Variants in SLC24A2 observed in about 807,000 individuals in gnomAD.
SLC24A2 encodes sodium/potassium/calcium exchanger 2.
A neutral mutation model predicts 62.0 loss-of-function variants in SLC24A2; 36 were observed. That is an observed-to-expected ratio of 0.58 (90% confidence interval 0.44 to 0.77). The LOEUF is 0.77. SLC24A2 is among the 30% of genes least tolerant of loss of function. SLC24A2 has a pLI of 0.00. For missense variants in SLC24A2, 846 were observed against 817.9 expected (o/e 1.03, Z -0.42); for synonymous variants, 358 against 294.0 (o/e 1.22, Z -2.23).
intron 2 of SLC24A2, among the ~76,000 whole-genome samples, chr9:19,779,258 C>T (rs1156553361): frequency 6.6e-6 from 1 of 152,112 alleles, no homozygotes; most frequent in Non-Finnish European, 1.5e-5. Context: ...ATCAGGAAGC[C>T]TAATGAGTCA....
chr9:19,936,625 C>G, the SLC24A2 span, among the ~76,000 whole-genome samples: 2 of 152,052 alleles, frequency 1.3e-5, no homozygotes, highest in South Asian at 4.1e-4. Flanking sequence ...GGAGTGGGAG[C>G]CTCTGATTAA....
the SLC24A2 span, among the ~76,000 whole-genome samples, chr9:20,080,648 G>T: frequency 1.3e-5 from 2 of 152,162 alleles, no homozygotes; most frequent in African/African-American, 4.8e-5. Flanking sequence ...AAACAAAAGA[G>T]CTTCTGCACA....
the SLC24A2 span, among the ~76,000 whole-genome samples, chr9:20,186,850 T>C: frequency 6.6e-6 from 1 of 152,308 alleles, no homozygotes; most frequent in Non-Finnish European, 1.5e-5. Flanking sequence ...CCCTCCAGAT[T>C]ATAATTTTCC....
the SLC24A2 span, among the ~76,000 whole-genome samples, chr9:19,836,755 G>A: frequency 6.6e-6 from 1 of 152,094 alleles, no homozygotes; most frequent in Non-Finnish European, 1.5e-5. Flanking sequence ...TGATACCAAA[G>A]CCTGGCAGAG....
the SLC24A2 span, among the ~76,000 whole-genome samples, chr9:19,996,745 CAAA>C: frequency 1.3e-4 from 9 of 66,672 alleles, no homozygotes; most frequent in African/African-American, 3.6e-4. Context: ...GACTCCGTCT[CAAA>C]AAAAAAAAAA....
At chr9:20,111,170 G>A in the SLC24A2 span, among the ~76,000 whole-genome samples, 3 of 152,156 alleles carry the variant, frequency 2.0e-5, no homozygotes, top group African/African-American at 7.2e-5. Context: ...TTGCCCTACT[G>A]CATTTGGTTC....
the SLC24A2 span, among the ~76,000 whole-genome samples, chr9:19,944,834 G>A: frequency 6.6e-6 from 1 of 152,136 alleles, no homozygotes; most frequent in African/African-American, 2.4e-5. Context: ...GTGTGAGACT[G>A]TATTTATTTG....
chr9:19,555,028 T>C (rs1454556211), intron 7 of SLC24A2, among the ~76,000 whole-genome samples: 1 of 152,180 alleles, frequency 6.6e-6, no homozygotes, highest in Non-Finnish European at 1.5e-5. Context: ...GGGGGCCACA[T>C]GTTAACACTA....
At chr9:20,275,138 GC>G in the SLC24A2 span, among the ~76,000 whole-genome samples, 2 of 152,130 alleles carry the variant, frequency 1.3e-5, no homozygotes, top group Admixed American at 1.3e-4. Context: ...CATAACAACA[GC>G]AAGAAGTTCT....
chr9:19,680,730 A>C (rs1587142593), intron 2 of SLC24A2, among the ~76,000 whole-genome samples: 1 of 152,026 alleles, frequency 6.6e-6, no homozygotes, highest in African/African-American at 2.4e-5. Context: ...CATGGCTTCC[A>C]AACATTTGAA....
chr9:20,224,873 C>CCCTT, the SLC24A2 span, among the ~76,000 whole-genome samples: 3,761 of 152,172 alleles, frequency 0.025, 226 homozygotes, highest in East Asian at 0.2. Context: ...CCACAGCTTG[C>CCCTT]CCTTGGCTGA....
At chr9:19,783,705 T>G (rs75646581) in intron 2 of SLC24A2, among the ~76,000 whole-genome samples, 2 of 152,214 alleles carry the variant, frequency 1.3e-5, no homozygotes, top group Non-Finnish European at 2.9e-5. Context: ...AAAAGTGAAA[T>G]TGGCAAGTGG....
intron 5 of SLC24A2, among the ~76,000 whole-genome samples, chr9:19,589,996 T>C (rs757435963): frequency 2.0e-5 from 3 of 152,136 alleles, no homozygotes; most frequent in Non-Finnish European, 4.4e-5. Flanking sequence ...AGGAGAGGCC[T>C]TCCTATGCTG....
chr9:20,145,813 G>T, the SLC24A2 span, among the ~76,000 whole-genome samples: 1 of 151,740 alleles, frequency 6.6e-6, no homozygotes, highest in African/African-American at 2.4e-5. Context: ...ATATGTATAT[G>T]TCATATACAA....
chr9:20,244,776 T>C, the SLC24A2 span, among the ~76,000 whole-genome samples: 1 of 152,238 alleles, frequency 6.6e-6, no homozygotes, highest in Non-Finnish European at 1.5e-5. Context: ...GTACTGCTTC[T>C]TTATAGAAGC....
rs985604399 is a variant in SLC24A2, at chr9:19,513,932, T to C, written c.*2221A>G. 2 of 152,182 alleles carry C rather than the reference T, an allele frequency of 1.3e-5. No individual in the cohort carries two copies. The highest frequency in any genetic ancestry group is 4.8e-5 in the African/African-American group (2 of 41,458). 9.4% of individuals were successfully genotyped at this position (152,182 alleles called of 1,614,324 possible). A position where few individuals can be genotyped will look rare whatever the true frequency, so the allele number is the denominator to read the frequency against. ...AAAGTCCTGACCTTGATGAATGAGA[T>C]TCATTCCCATTAGGTGGCAGGTTCC... On this transcript the variant is annotated 3_prime_UTR_variant, in exon 11 of 11. Transcript: ENST00000341998.
chr9:20,028,904 C>T, the SLC24A2 span, among the ~76,000 whole-genome samples: 3 of 152,178 alleles, frequency 2.0e-5, no homozygotes, highest in South Asian at 6.2e-4. Context: ...AAATAAAATA[C>T]ACCGTGTTTA....
chr9:20,106,807 C>G, the SLC24A2 span, among the ~76,000 whole-genome samples: 1 of 152,142 alleles, frequency 6.6e-6, no homozygotes, highest in Non-Finnish European at 1.5e-5. Context: ...GATGCCCTCT[C>G]TCACCACTCC....
chr9:20,281,086 T>C, the SLC24A2 span, among the ~76,000 whole-genome samples: 3 of 152,078 alleles, frequency 2.0e-5, no homozygotes, highest in Admixed American at 6.6e-5. Flanking sequence ...TGAGACACCA[T>C]GCCTGGCTGA....
Sources: allele counts gnomAD v4.1 joint callset (sites outside exome capture counted in the v4.1 genomes callset), GRCh38; gene constraint gnomAD v4.1.1; transcripts MANE v1.5; gene names NCBI Gene and HGNC (gene_info 2026-07-23, HGNC 2026-07-21).